The following LOC400499 variants were observed in gnomAD, a reference collection of about 807,000 sequenced individuals.
the LOC400499 span, among the ~76,000 whole-genome samples, chr16:11,381,667 C>T: frequency 6.6e-6 from 1 of 152,188 alleles, no homozygotes; most frequent in Non-Finnish European, 1.5e-5. Context: ...CTAGACAGAT[C>T]AGTGCTGAGA....
chr16:11,421,815 G>A, the LOC400499 span, among the ~76,000 whole-genome samples: 256 of 152,316 alleles, frequency 1.7e-3, no homozygotes, highest in Admixed American at 2.2e-3. Context: ...TGGGTATGGG[G>A]ATTCCACTGG....
At chr16:11,390,261 C>T in the LOC400499 span, 1 of 1,232,746 alleles carries the variant, frequency 8.1e-7, no homozygotes. Context: ...CAACTACGCC[C>T]CATCCTTGCT....
At chr16:11,476,857 G>A in the LOC400499 span, 2 of 399,560 alleles carry the variant, frequency 5.0e-6, no homozygotes, top group Non-Finnish European at 8.8e-6. Context: ...ATCCAGGCTG[G>A]CGGCGCTGCG....
At chr16:11,383,916 G>C in the LOC400499 span, 1 of 1,231,966 alleles carries the variant, frequency 8.1e-7, no homozygotes. Flanking sequence ...AGCTGGAGTG[G>C]GGGCCCTCGA....
chr16:11,460,192 T>A, the LOC400499 span: 12,128 of 772,856 alleles, frequency 0.016, 125 homozygotes, highest in Non-Finnish European at 0.018. Flanking sequence ...TATTTTTTTT[T>A]AATTTATTAC....
the LOC400499 span, chr16:11,423,315 T>G: frequency 1.2e-4 from 48 of 398,896 alleles, no homozygotes; most frequent in Non-Finnish European, 2.1e-4. Flanking sequence ...GAGTGAACCG[T>G]CGTGGATGCC....
chr16:11,383,389 C>T, the LOC400499 span, among the ~76,000 whole-genome samples: 1 of 152,068 alleles, frequency 6.6e-6, no homozygotes, highest in Non-Finnish European at 1.5e-5. Context: ...TTTTAAACAA[C>T]CTGCTCTCAT....
At chr16:11,411,804 C>T in the LOC400499 span, among the ~76,000 whole-genome samples, 2 of 152,112 alleles carry the variant, frequency 1.3e-5, no homozygotes, top group African/African-American at 4.8e-5. Context: ...GCACCCCTCC[C>T]CTCACTCCTC....
At chr16:11,412,794 T>C in the LOC400499 span, 4 of 398,602 alleles carry the variant, frequency 1.0e-5, no homozygotes, top group Non-Finnish European at 1.8e-5. Flanking sequence ...AGGTACCCAG[T>C]CAATGGTTCC....
the LOC400499 span, among the ~76,000 whole-genome samples, chr16:11,523,759 G>A: frequency 6.6e-6 from 1 of 151,862 alleles, no homozygotes; most frequent in Non-Finnish European, 1.5e-5. Flanking sequence ...ATCACTACCT[G>A]AGTCCAATAT....
the LOC400499 span, among the ~76,000 whole-genome samples, chr16:11,458,444 G>T: frequency 6.6e-6 from 1 of 151,572 alleles, no homozygotes; most frequent in African/African-American, 2.4e-5. Flanking sequence ...GGCGGAGGTT[G>T]CAGTGAGCCA....
At chr16:11,517,817 G>A in the LOC400499 span, among the ~76,000 whole-genome samples, 1 of 152,156 alleles carries the variant, frequency 6.6e-6, no homozygotes, top group South Asian at 2.1e-4. Context: ...GGGTGATGGA[G>A]TCCTCCTTCC....
the LOC400499 span, among the ~76,000 whole-genome samples, chr16:11,442,708 C>T: frequency 6.6e-6 from 1 of 152,152 alleles, no homozygotes; most frequent in African/African-American, 2.4e-5. Context: ...TCAATGGTAG[C>T]AATTAATTTC....
At chr16:11,497,012 G>C in the LOC400499 span, among the ~76,000 whole-genome samples, 1 of 152,070 alleles carries the variant, frequency 6.6e-6, no homozygotes, top group Non-Finnish European at 1.5e-5. Context: ...CTCAGTGTGA[G>C]CCTGCAACAG....
the LOC400499 span, among the ~76,000 whole-genome samples, chr16:11,466,609 G>C: frequency 1.3e-5 from 2 of 152,072 alleles, no homozygotes; most frequent in East Asian, 3.9e-4. Context: ...GGCTGGTCTT[G>C]AACTCCTGAC....
chr16:11,394,593 G>A, the LOC400499 span, among the ~76,000 whole-genome samples: 1 of 152,364 alleles, frequency 6.6e-6, no homozygotes, highest in African/African-American at 2.4e-5. Context: ...ACCTGTGAAC[G>A]TGGTGTTATT....
At chr16:11,414,255 C>T in the LOC400499 span, 92 of 398,990 alleles carry the variant, frequency 2.3e-4, no homozygotes, top group African/African-American at 1.8e-3. Flanking sequence ...TCCCCACCCA[C>T]CCTGCACACA....
the LOC400499 span, chr16:11,456,975 C>T: frequency 8.5e-6 from 13 of 1,535,972 alleles, no homozygotes; most frequent in Middle Eastern, 1.7e-4. Flanking sequence ...ATAGGGCAGG[C>T]GGAGGCTCAA....
the LOC400499 span, among the ~76,000 whole-genome samples, chr16:11,501,795 T>A: frequency 6.6e-6 from 1 of 152,138 alleles, no homozygotes; most frequent in East Asian, 1.9e-4. Context: ...AGAGGGTCCC[T>A]GTCTGGGGAA....
Sources: gnomAD v4.1 joint callset for allele counts (sites outside exome capture counted in the v4.1 genomes callset) on GRCh38, gnomAD v4.1.1 for gene constraint, MANE v1.5 for transcripts.